VWC2: variants seen among roughly 807,000 people sequenced by gnomAD.
The protein encoded by VWC2 is von Willebrand factor C domain containing 2, also known as brorin.
A neutral mutation model predicts 29.8 loss-of-function variants in VWC2; 14 were observed. The ratio of observed to expected loss-of-function variants is 0.47; its 90% CI spans 0.31 to 0.74. The LOEUF (loss-of-function observed/expected upper bound fraction) is 0.74, where lower values mean the gene tolerates loss of function less well. Ranked by LOEUF, VWC2 falls within the 30% of genes least tolerant of loss-of-function variation. The probability of loss-of-function intolerance (pLI) is 0.05; values close to 1 mark genes in which losing one functional copy is unlikely to be tolerated. For synonymous variants in VWC2, 213 were observed against 199.0 expected (o/e 1.07, Z -0.59); for missense variants, 457 against 459.8 (o/e 0.99, Z 0.05).
At chr7:49,774,499 G>C (rs1788008704) in intron 1 of VWC2, among the ~76,000 whole-genome samples, 1 of 152,242 alleles carries the variant, frequency 6.6e-6, no homozygotes, top group African/African-American at 2.4e-5. Context: ...GGGATCCAGC[G>C]AGTAGGAGGG....
chr7:49,895,239 C>A (rs796165273), intron 3 of VWC2, among the ~76,000 whole-genome samples: 8 of 152,262 alleles, frequency 5.3e-5, no homozygotes, highest in African/African-American at 1.9e-4. Context: ...ACAGTTCCCT[C>A]ACATTTGTTT....
At chr7:49,848,552 C>T (rs1212150780) in intron 3 of VWC2, among the ~76,000 whole-genome samples, 1 of 152,240 alleles carries the variant, frequency 6.6e-6, no homozygotes, top group East Asian at 1.9e-4. Flanking sequence ...TCTGCTCTCT[C>T]GTTTCCTGGT....
At chr7:49,802,208 C>T (rs1250910544) in intron 2 of VWC2, among the ~76,000 whole-genome samples, 4 of 152,226 alleles carry the variant, frequency 2.6e-5, no homozygotes, top group South Asian at 2.1e-4. Context: ...CCCTGTGGCC[C>T]GTCCTGTGCG....
intron 3 of VWC2, among the ~76,000 whole-genome samples, chr7:49,895,424 A>T (rs79098604): frequency 0.029 from 4,475 of 152,294 alleles, 113 homozygotes; most frequent in Middle Eastern, 0.085. Flanking sequence ...AGCAGGGTGG[A>T]CATACTCATG....
At chr7:49,864,351 T>C (rs1185316876) in intron 3 of VWC2, among the ~76,000 whole-genome samples, 1 of 152,204 alleles carries the variant, frequency 6.6e-6, no homozygotes, top group Non-Finnish European at 1.5e-5. Context: ...CTTAACTGGA[T>C]TTCCCAGGAG....
intron 3 of VWC2, chr7:49,850,444 A>C (rs977905222): frequency 6.6e-6 from 1 of 152,280 alleles, no homozygotes; most frequent in African/African-American, 2.4e-5. Context: ...TTATAAGCCA[A>C]GTATTCCTGG....
chr7:49,877,866 A>G (rs1228915060), intron 3 of VWC2, among the ~76,000 whole-genome samples: 2 of 151,968 alleles, frequency 1.3e-5, no homozygotes, highest in African/African-American at 2.4e-5. Context: ...AGCAACTGCC[A>G]CTTTGTCATC....
At chr7:49,860,790 G>A (rs1790618065) in intron 3 of VWC2, among the ~76,000 whole-genome samples, 1 of 152,118 alleles carries the variant, frequency 6.6e-6, no homozygotes, top group African/African-American at 2.4e-5. Context: ...AATCTAATAG[G>A]GTTGGTCTCC....
intron 3 of VWC2, among the ~76,000 whole-genome samples, chr7:49,834,000 G>A (rs1789599197): frequency 6.6e-6 from 1 of 152,186 alleles, no homozygotes; most frequent in Non-Finnish European, 1.5e-5. Context: ...GTTAATTTCA[G>A]AGGTGGCTTG....
At chr7:49,872,040 T>A (rs1334814791) in intron 3 of VWC2, among the ~76,000 whole-genome samples, 2 of 145,712 alleles carry the variant, frequency 1.4e-5, no homozygotes, top group East Asian at 4.1e-4. Context: ...AGAAAAAAAT[T>A]AATAAACTAA....
chr7:49,841,680 G>A (rs1480213171), intron 3 of VWC2, among the ~76,000 whole-genome samples: 2 of 152,200 alleles, frequency 1.3e-5, no homozygotes, highest in Non-Finnish European at 2.9e-5. Context: ...AATGTACTTA[G>A]CATGGTTTGC....
chr7:49,870,189 A>G (rs1791084998), intron 3 of VWC2, among the ~76,000 whole-genome samples: 1 of 152,176 alleles, frequency 6.6e-6, no homozygotes, highest in African/African-American at 2.4e-5. Context: ...TCACGAGGTC[A>G]GGAGATCAAG....
At chr7:49,874,108 G>C (rs542084253) in intron 3 of VWC2, among the ~76,000 whole-genome samples, 1 of 152,062 alleles carries the variant, frequency 6.6e-6, no homozygotes, top group South Asian at 2.1e-4. Flanking sequence ...GGAGTTGGTG[G>C]GCAAAGGATG....
At chr7:49,837,049 T>C (rs1363401612) in intron 3 of VWC2, among the ~76,000 whole-genome samples, 1 of 152,230 alleles carries the variant, frequency 6.6e-6, no homozygotes. Flanking sequence ...TTGTGTGACA[T>C]TAAAAATTGA....
rs1304589706 is a variant in VWC2 at position 49,773,744 on chromosome 7, G to T, written c.-473G>T. ...GCTGCCCAGACATTCCGGCTGCCGG[G>T]TCTGGAGAGCTCCCCGAACCCCTCC... On this transcript the variant is annotated 5_prime_UTR_variant, in exon 1 of 4. Transcript: ENST00000340652. 6.6e-6 allele frequency: 1 copy of T among 152,214 alleles called. No individual in the cohort carries two copies. Among genetic ancestry groups the T allele is most frequent in the Admixed American group, 6.5e-5 (1 of 15,276 alleles). The allele number at this position is 152,214 out of a possible 1,614,324, so 9.4% of individuals were successfully genotyped here. A position where few individuals can be genotyped will look rare whatever the true frequency, so the allele number is the denominator to read the frequency against.
intron 3 of VWC2, among the ~76,000 whole-genome samples, chr7:49,898,750 AC>A (rs1445695794): frequency 6.6e-6 from 1 of 152,120 alleles, no homozygotes; most frequent in Non-Finnish European, 1.5e-5. Flanking sequence ...TACTCTCATT[AC>A]CCACAAAGTG....
intron 2 of VWC2, among the ~76,000 whole-genome samples, chr7:49,798,500 T>C (rs373530016): frequency 6.6e-6 from 1 of 152,142 alleles, no homozygotes; most frequent in Admixed American, 6.5e-5. Flanking sequence ...TCTCAGGAGG[T>C]GGAAGGCACT....
intron 3 of VWC2, among the ~76,000 whole-genome samples, chr7:49,869,609 A>G (rs1791051958): frequency 6.6e-6 from 1 of 152,256 alleles, no homozygotes; most frequent in South Asian, 2.1e-4. Context: ...AGGAATTAAA[A>G]AATAGTCCTA....
chr7:49,876,041 C>CTG (rs1380349093), intron 3 of VWC2, among the ~76,000 whole-genome samples: 1 of 152,154 alleles, frequency 6.6e-6, no homozygotes, highest in Non-Finnish European at 1.5e-5. Flanking sequence ...ATCACTTGAC[C>CTG]TGTGTATCAA....
Sources: allele counts gnomAD v4.1 joint callset (sites outside exome capture counted in the v4.1 genomes callset), GRCh38; gene constraint gnomAD v4.1.1; transcripts MANE v1.5; gene names NCBI Gene and HGNC (gene_info 2026-07-23, HGNC 2026-07-21).